The following MPPED2 variants were observed in gnomAD, a reference collection of about 807,000 sequenced individuals.
MPPED2 encodes the protein metallophosphoesterase domain containing 2.
MPPED2 carries 5 observed loss-of-function variants against 33.0 expected under a neutral mutation model. That is an observed-to-expected ratio of 0.15 (90% CI 0.08 to 0.32). The LOEUF is 0.32. Among genes scored for constraint, MPPED2 ranks in the 10% least tolerant of loss-of-function variants. The pLI, the probability that MPPED2 is intolerant of heterozygous loss-of-function variation, is 1.00. For missense variants in MPPED2, 275 were observed against 372.1 expected (o/e 0.74, Z 2.15); for synonymous variants, 136 against 141.9 (o/e 0.96, Z 0.29).
intron 5 of MPPED2, among the ~76,000 whole-genome samples, chr11:30,416,207 C>T (rs967130719): frequency 6.6e-6 from 1 of 152,250 alleles, no homozygotes; most frequent in East Asian, 1.9e-4. Context: ...AAGTCAGGAA[C>T]TGCTGATCCT....
chr11:30,532,859 T>C (rs1954603589), intron 3 of MPPED2, among the ~76,000 whole-genome samples: 1 of 152,190 alleles, frequency 6.6e-6, no homozygotes, highest in African/African-American at 2.4e-5. Context: ...GTGACATATG[T>C]ACAGATTAAC....
chr11:30,451,917 C>G (rs1165244974), intron 4 of MPPED2: 2 of 985,376 alleles, frequency 2.0e-6, no homozygotes, highest in Non-Finnish European at 2.4e-6. Context: ...GTCATTTAAC[C>G]TTGATTTCTT....
chr11:30,544,968 C>T (rs566928913), intron 2 of MPPED2, among the ~76,000 whole-genome samples: 1 of 152,260 alleles, frequency 6.6e-6, no homozygotes, highest in East Asian at 1.9e-4. Flanking sequence ...ATCTAGAGAA[C>T]TATTAAGAGT....
At chr11:30,494,737 C>CAAAAAAAAAAAAAAAAAAAAAAA (rs767500886) in intron 4 of MPPED2, among the ~76,000 whole-genome samples, 21 of 47,560 alleles carry the variant, frequency 4.4e-4, no homozygotes, top group East Asian at 8.2e-4. Flanking sequence ...TACTCCACCT[C>CAAAAAAAAAAAAAAAAAAAAAAA]AAAAAAAAAA....
chr11:30,506,595 T>G (rs934309195), intron 3 of MPPED2, among the ~76,000 whole-genome samples: 4 of 152,220 alleles, frequency 2.6e-5, no homozygotes, highest in Admixed American at 6.5e-5. Context: ...TGGCAATTAT[T>G]CTACTGAATA....
At chr11:30,572,667 C>T (rs968230425) in intron 2 of MPPED2, among the ~76,000 whole-genome samples, 1 of 152,090 alleles carries the variant, frequency 6.6e-6, no homozygotes, top group Non-Finnish European at 1.5e-5. Flanking sequence ...AACTCTGTAA[C>T]AAAATAAATT....
chr11:30,434,653 A>ACT (rs971727981), intron 4 of MPPED2, among the ~76,000 whole-genome samples: 2 of 152,186 alleles, frequency 1.3e-5, no homozygotes, highest in Non-Finnish European at 2.9e-5. Context: ...ACACAGTCTA[A>ACT]CTCCAATAAT....
chr11:30,473,473 G>A (rs886593593), intron 4 of MPPED2, among the ~76,000 whole-genome samples: 2 of 152,092 alleles, frequency 1.3e-5, no homozygotes, highest in African/African-American at 4.8e-5. Flanking sequence ...AGAGATATTA[G>A]CAAAGTATTT....
chr11:30,470,798 C>G (rs1186040540), intron 4 of MPPED2, among the ~76,000 whole-genome samples: 2 of 152,194 alleles, frequency 1.3e-5, no homozygotes, highest in South Asian at 2.1e-4. Flanking sequence ...CCCTTAGTAC[C>G]ATGTTCTAGT....
intron 3 of MPPED2, among the ~76,000 whole-genome samples, chr11:30,514,173 T>A (rs1306689625): frequency 6.6e-6 from 1 of 152,140 alleles, no homozygotes; most frequent in Non-Finnish European, 1.5e-5. Context: ...CAGGTGAGGG[T>A]ATCTTGATTA....
chr11:30,459,973 G>T (rs191215414), intron 4 of MPPED2, among the ~76,000 whole-genome samples: 1 of 152,152 alleles, frequency 6.6e-6, no homozygotes, highest in Non-Finnish European at 1.5e-5. Flanking sequence ...TCAGCCTGGC[G>T]TCTGCTTCAC....
At chr11:30,392,671 A>G (rs1947794789) in intron 6 of MPPED2, among the ~76,000 whole-genome samples, 1 of 152,186 alleles carries the variant, frequency 6.6e-6, no homozygotes, top group South Asian at 2.1e-4. Context: ...ACTGGTTCTT[A>G]AAGGGGACGG....
chr11:30,456,563 T>A (rs1320492701), intron 4 of MPPED2, among the ~76,000 whole-genome samples: 1 of 152,162 alleles, frequency 6.6e-6, no homozygotes, highest in Non-Finnish European at 1.5e-5. Context: ...TGTGTGTGTG[T>A]GTCTGTGTGT....
intron 5 of MPPED2, among the ~76,000 whole-genome samples, chr11:30,415,873 G>A (rs34888586): frequency 0.015 from 2,220 of 152,300 alleles, 37 homozygotes; most frequent in Non-Finnish European, 0.02. Flanking sequence ...TCATGTAAAT[G>A]TTTCTCTGCT....
intron 3 of MPPED2, among the ~76,000 whole-genome samples, chr11:30,505,879 C>A (rs910066696): frequency 6.6e-6 from 1 of 151,946 alleles, no homozygotes; most frequent in Non-Finnish European, 1.5e-5. Context: ...AACTCAGACT[C>A]CAAACACATA....
chr11:30,506,801 C>T (rs1446427628), intron 3 of MPPED2, among the ~76,000 whole-genome samples: 1 of 152,204 alleles, frequency 6.6e-6, no homozygotes, highest in African/African-American at 2.4e-5. Flanking sequence ...GTAATAACTA[C>T]TGTCATTTTT....
At chr11:30,555,938 CT>C (rs1355927801) in intron 2 of MPPED2, among the ~76,000 whole-genome samples, 1 of 152,128 alleles carries the variant, frequency 6.6e-6, no homozygotes, top group African/African-American at 2.4e-5. Context: ...TAGGAAATCT[CT>C]TTCTTCCACA....
At chr11:30,461,366 T>G (rs1472225657) in intron 4 of MPPED2, among the ~76,000 whole-genome samples, 1 of 152,044 alleles carries the variant, frequency 6.6e-6, no homozygotes, top group Non-Finnish European at 1.5e-5. Flanking sequence ...TTAAAAATGG[T>G]AAATTTTATG....
At position 30,478,836 on chromosome 11, in the gene MPPED2, C is replaced by T. The variant is rs17309178; in HGVS notation, c.536+16460G>A. 8.9e-4 allele frequency among the ~76,000 whole-genome samples: 135 copies of T among 152,124 alleles called. 1 individual carries two copies. The highest frequency in any genetic ancestry group is 3.4e-3 in the Middle Eastern group (1 of 294). On this transcript the variant is annotated intron_variant, in intron 4 of 6. Transcript: ENST00000358117. Reference sequence around the variant, plus strand: ...CCTTAAATAACGTTGTCGTTTTGAACGGAAGAAGGAGGAAAACCATGCCTG... The same window carrying T: ...CCTTAAATAACGTTGTCGTTTTGAATGGAAGAAGGAGGAAAACCATGCCTG...
Sources: gnomAD v4.1 joint callset for allele counts (sites outside exome capture counted in the v4.1 genomes callset) on GRCh38, gnomAD v4.1.1 for gene constraint, MANE v1.5 for transcripts, NCBI Gene and HGNC (gene_info 2026-07-23, HGNC 2026-07-21) for gene names.